The following LHPP variants were observed in gnomAD, a reference collection of about 807,000 sequenced individuals.
The protein encoded by LHPP is hLHPP.
LHPP carries 24 observed loss-of-function variants against 30.3 expected under a neutral mutation model. The observed-to-expected ratio is 0.79, with a 90% CI of 0.57 to 1.11. The LOEUF (loss-of-function observed/expected upper bound fraction) is 1.11, where lower values mean the gene tolerates loss of function less well. Among genes scored for constraint, LHPP ranks in the 50% most tolerant of loss-of-function variants. The pLI, the probability that LHPP is intolerant of heterozygous loss-of-function variation, is 0.00. For synonymous variants in LHPP, 150 were observed against 157.1 expected (o/e 0.95, Z 0.34); for missense variants, 356 against 367.2 (o/e 0.97, Z 0.25).
At chr10:124,537,485 G>T (rs981612536) in intron 6 of LHPP, among the ~76,000 whole-genome samples, 2 of 152,250 alleles carry the variant, frequency 1.3e-5, no homozygotes, top group African/African-American at 2.4e-5. Flanking sequence ...TCGAAGGCTG[G>T]TGGGACTGGT....
intron 6 of LHPP, among the ~76,000 whole-genome samples, chr10:124,583,842 A>G (rs982387066): frequency 1.3e-5 from 2 of 152,184 alleles, no homozygotes; most frequent in Non-Finnish European, 2.9e-5. Context: ...TTCAAACTAA[A>G]GCAACCATAC....
intron 6 of LHPP, among the ~76,000 whole-genome samples, chr10:124,584,651 C>T (rs1222926020): frequency 2.0e-5 from 3 of 152,200 alleles, no homozygotes; most frequent in African/African-American, 4.8e-5. Flanking sequence ...AATACTATCA[C>T]GTTGCTGGTT....
At chr10:124,587,390 A>G (rs1321419046) in intron 6 of LHPP, among the ~76,000 whole-genome samples, 2 of 151,926 alleles carry the variant, frequency 1.3e-5, no homozygotes, top group Non-Finnish European at 2.9e-5. Context: ...TGGGGAAGCC[A>G]TGTCCCCTCC....
rs1948873104 is a variant in LHPP, at chr10:124,590,709, C to T, written c.717-22555C>T. Reference sequence around the variant, plus strand: ...CTTGCCAGAGGAGACACGGTGGGCACCAGCCCCAGCGCTGCCACCTGCCTG... The same window carrying T: ...CTTGCCAGAGGAGACACGGTGGGCATCAGCCCCAGCGCTGCCACCTGCCTG... On this transcript the variant is annotated intron_variant, in intron 6 of 6. Coordinates refer to ENST00000368842, the MANE Select transcript of LHPP (RefSeq NM_022126.4). The surrounding 1 kb of genome is among the most constrained non-coding windows in gnomAD (Gnocchi z 4.3). Among the ~76,000 whole-genome samples the T allele has an allele frequency of 6.6e-6, 1 of 152,246 alleles. No homozygotes were observed. The highest frequency in any genetic ancestry group is 6.5e-5 in the Admixed American group (1 of 15,286).
chr10:124,599,911 G>A (rs760343149), intron 6 of LHPP, among the ~76,000 whole-genome samples: 1 of 152,254 alleles, frequency 6.6e-6, no homozygotes, highest in Non-Finnish European at 1.5e-5. Flanking sequence ...AGACCTTCCA[G>A]GTCTTCATTC....
intron 6 of LHPP, among the ~76,000 whole-genome samples, chr10:124,558,328 C>G (rs1337412899): frequency 1.3e-5 from 2 of 152,182 alleles, no homozygotes. Flanking sequence ...CCCAGTGGGC[C>G]CCACGAGCCG....
At chr10:124,481,734 T>C (rs1953141542) in intron 1 of LHPP, among the ~76,000 whole-genome samples, 1 of 152,046 alleles carries the variant, frequency 6.6e-6, no homozygotes, top group Non-Finnish European at 1.5e-5. Flanking sequence ...GGCTCCACCT[T>C]CCACATACCC....
chr10:124,561,946 A>G (rs1948402307), intron 6 of LHPP, among the ~76,000 whole-genome samples: 1 of 152,228 alleles, frequency 6.6e-6, no homozygotes. Context: ...TACTGGAAAA[A>G]TGCTTCAACC....
chr10:124,521,394 C>T (rs950190477), intron 6 of LHPP, among the ~76,000 whole-genome samples: 6 of 152,250 alleles, frequency 3.9e-5, no homozygotes, highest in Admixed American at 3.9e-4. Context: ...GCGGTGAGCC[C>T]CCCAGGGGCA....
Position 124,484,342 on chromosome 10 carries a change from A to G in LHPP, c.313+16A>G. The G allele has an allele frequency of 6.2e-7, 1 of 1,603,728 alleles. No homozygotes were observed. The highest frequency in any genetic ancestry group is 1.7e-4 in the Middle Eastern group (1 of 5,876). On this transcript the variant is annotated intron_variant, in intron 2 of 6. Coordinates refer to ENST00000368842, the MANE Select transcript of LHPP (RefSeq NM_022126.4). ...ATCCATGACGGTAGGCCTGTCGGAC[A>G]CCAGGACCTCACGGGGGTGAAAGCT...
chr10:124,476,749 T>A (rs1264515565), intron 1 of LHPP, among the ~76,000 whole-genome samples: 1 of 152,206 alleles, frequency 6.6e-6, no homozygotes, highest in South Asian at 2.1e-4. Context: ...GGGCTCCTGC[T>A]TGACCTTCTG....
intron 4 of LHPP, among the ~76,000 whole-genome samples, chr10:124,497,368 C>T (rs745318678): frequency 3.3e-5 from 5 of 151,846 alleles, no homozygotes; most frequent in East Asian, 1.9e-4. Flanking sequence ...ACACTCCTCT[C>T]GGGCTTGTGG....
chr10:124,561,871 G>A (rs1014780999), intron 6 of LHPP, among the ~76,000 whole-genome samples: 1 of 152,186 alleles, frequency 6.6e-6, no homozygotes, highest in African/African-American at 2.4e-5. Flanking sequence ...ACATGAATAA[G>A]AAGAGAAGAC....
chr10:124,607,748 T>C (rs1589716908), intron 6 of LHPP, among the ~76,000 whole-genome samples: 1 of 152,180 alleles, frequency 6.6e-6, no homozygotes, highest in Admixed American at 6.5e-5. Context: ...TTTGTTCCGC[T>C]TCGGGCAACA....
rs201726329 is a variant in LHPP at position 124,578,445 on chromosome 10, TA to T, written c.717-34818del. 5.5e-3 allele frequency among the ~76,000 whole-genome samples: 839 copies of T among 152,338 alleles called. 10 individuals carry two copies. Among genetic ancestry groups the T allele is most frequent in the African/African-American group, 0.019 (777 of 41,592 alleles). On this transcript the variant is annotated intron_variant, in intron 6 of 6. Coordinates refer to ENST00000368842, the MANE Select transcript of LHPP (RefSeq NM_022126.4). The stretch of plus-strand genomic sequence containing the variant: ...CTGCTCACTCATTCATCCATTCATT[TA>T]TTCAGCAGGGGTTCTTGAGTGTCTC...
chr10:124,583,980 C>G (rs73373287), intron 6 of LHPP, among the ~76,000 whole-genome samples: 7,227 of 152,118 alleles, frequency 0.048, 524 homozygotes, highest in African/African-American at 0.16. Context: ...TTTTCTAGAT[C>G]ATTTTGGCTA....
intron 6 of LHPP, among the ~76,000 whole-genome samples, chr10:124,569,045 G>A (rs907777459): frequency 6.6e-6 from 1 of 152,198 alleles, no homozygotes; most frequent in African/African-American, 2.4e-5. Flanking sequence ...GCTGGTAATG[G>A]GGGTGAGGGG....
In LHPP at chr10:124,598,490, C is replaced by G. The variant is rs541529297; in HGVS notation, c.717-14774C>G. 3.7e-4 allele frequency among the ~76,000 whole-genome samples: 57 copies of G among 152,310 alleles called. 1 individual carries two copies. The South Asian group carries it at 0.011, about 30-fold the overall frequency. On this transcript the variant is annotated intron_variant, in intron 6 of 6. Transcript: ENST00000368842. ...TCTATTGATAACCCCATGGGGAAAG[C>G]CCCCCTGAGGTGCTTGGGCATCGGA...
At chr10:124,479,354 C>T (rs938926081) in intron 1 of LHPP, among the ~76,000 whole-genome samples, 2 of 152,164 alleles carry the variant, frequency 1.3e-5, no homozygotes, top group Admixed American at 1.3e-4. Context: ...CTAGGGCTTT[C>T]CTGATATTTT....
Sources: allele counts gnomAD v4.1 joint callset (sites outside exome capture counted in the v4.1 genomes callset), GRCh38; gene constraint gnomAD v4.1.1; non-coding constraint Gnocchi (gnomAD v3.1); transcripts MANE v1.5; gene names NCBI Gene and HGNC (gene_info 2026-07-23, HGNC 2026-07-21).